Variants in SMARCA2 observed in about 807,000 individuals in gnomAD.
The protein encoded by SMARCA2 is SWI/SNF-related matrix-associated actin-dependent regulator of chromatin subfamily A member 2.
Under a neutral mutation model 199.8 loss-of-function variants are expected in SMARCA2, and 61 were observed. That is an observed-to-expected ratio of 0.31 (90% CI 0.25 to 0.38). The LOEUF (loss-of-function observed/expected upper bound fraction) is 0.38. SMARCA2 is among the 10% of genes least tolerant of loss of function. The pLI, the probability that SMARCA2 is intolerant of heterozygous loss-of-function variation, is 1.00. For synonymous variants in SMARCA2, 935 were observed against 732.0 expected, an observed-to-expected ratio of 1.28 and a Z score of -4.48; for missense variants, 1,344 against 2,012.2, an observed-to-expected ratio of 0.67 and a Z score of 6.35.
At chr9:2,018,204 G>A (rs1388413866) in intron 1 of SMARCA2, among the ~76,000 whole-genome samples, 1 of 152,254 alleles carries the variant, frequency 6.6e-6, no homozygotes, top group Non-Finnish European at 1.5e-5. Context: ...CTTGGGAATC[G>A]AGGGAGTGGG....
chr9:2,123,589 A>G lies in SMARCA2; in HGVS notation c.3763-130A>G. On this transcript the variant is annotated intron_variant, in intron 26 of 33. Coordinates refer to ENST00000349721, the MANE Select transcript of SMARCA2 (RefSeq NM_003070.5). This position sits in a 1 kb window ranked among gnomAD's most constrained non-coding sequence, Gnocchi z 4.1. ...ATTTAGGGATGAGCTAGAACAAGCC[A>G]ACCAGGATGAGAGAGGTTGAAAGGG... 1 of 789,992 alleles carries G rather than the reference A, an allele frequency of 1.3e-6. No individual in the cohort carries two copies. Among genetic ancestry groups the G allele is most frequent in the East Asian group, 2.7e-5 (1 of 37,666 alleles). 48.9% of individuals were successfully genotyped at this position (789,992 alleles called of 1,614,324 possible). A position where few individuals can be genotyped will look rare whatever the true frequency, so the allele number is the denominator to read the frequency against.
intron 11 of SMARCA2, 62 bp downstream of exon 11, chr9:2,073,404 A>G (rs1033536996): frequency 1.4e-5 from 23 of 1,599,478 alleles, no homozygotes; most frequent in Non-Finnish European, 1.8e-5. Flanking sequence ...GTAATCTTGT[A>G]CGATCTCGAA....
intron 14 of SMARCA2, among the ~76,000 whole-genome samples, chr9:2,081,240 G>A (rs777646236): frequency 5.3e-5 from 8 of 152,160 alleles, no homozygotes; most frequent in Non-Finnish European, 7.4e-5. Context: ...TCAGAAATAC[G>A]TTGAGCATGT....
intron 2 of SMARCA2, among the ~76,000 whole-genome samples, chr9:2,030,752 A>C (rs1321395795): frequency 6.6e-6 from 1 of 152,146 alleles, no homozygotes; most frequent in Non-Finnish European, 1.5e-5. Context: ...ATGAACCATT[A>C]CAGTAGACAA....
At chr9:2,083,560 C>G (rs887662936) in intron 16 of SMARCA2, 147 bp downstream of exon 16, 28 of 533,168 alleles carry the variant, frequency 5.3e-5, no homozygotes, top group Non-Finnish European at 4.0e-5. Context: ...TTAATCATCC[C>G]AAGAAGATTA....
chr9:2,055,015 A>G (rs897169014), intron 6 of SMARCA2, among the ~76,000 whole-genome samples: 3 of 152,230 alleles, frequency 2.0e-5, no homozygotes, highest in African/African-American at 4.8e-5. Flanking sequence ...AAACCTTGGG[A>G]ACAAGTGGGG....
chr9:2,153,387 G>T (rs770867073), intron 27 of SMARCA2, among the ~76,000 whole-genome samples: 23 of 152,030 alleles, frequency 1.5e-4, no homozygotes, highest in Non-Finnish European at 3.1e-4. Context: ...AAAGAAAATC[G>T]CCAGGCATGG....
chr9:2,078,898 T>G (rs929529190), intron 14 of SMARCA2, among the ~76,000 whole-genome samples: 1 of 151,978 alleles, frequency 6.6e-6, no homozygotes, highest in African/African-American at 2.4e-5. Context: ...TGAGCCGAGA[T>G]AGCACCACTG....
intron 32 of SMARCA2, among the ~76,000 whole-genome samples, chr9:2,188,703 T>C (rs149621481): frequency 3.7e-4 from 56 of 152,318 alleles, no homozygotes; most frequent in African/African-American, 1.3e-3. Context: ...CACAAACTTA[T>C]TACCTCTTGT....
intron 27 of SMARCA2, chr9:2,160,652 A>C: frequency 1.4e-6 from 1 of 699,720 alleles, no homozygotes; most frequent in African/African-American, 1.7e-5. Flanking sequence ...TCTTTCAGCT[A>C]CGAGAAAGGA....
At chr9:2,159,015 C>T (rs778042491) in intron 27 of SMARCA2, 2 of 1,608,834 alleles carry the variant, frequency 1.2e-6, no homozygotes, top group South Asian at 1.1e-5. Flanking sequence ...ATTCCAAAAC[C>T]TAAATTTAAT....
chr9:2,080,352 A>G (rs962414524), intron 14 of SMARCA2, among the ~76,000 whole-genome samples: 19 of 152,162 alleles, frequency 1.2e-4, no homozygotes, highest in African/African-American at 4.6e-4. Context: ...ATTTTTGTGA[A>G]TTTCTAGTCT....
intron 32 of SMARCA2, among the ~76,000 whole-genome samples, chr9:2,188,036 C>G (rs1563844093): frequency 2.6e-5 from 4 of 152,048 alleles, no homozygotes; most frequent in Non-Finnish European, 5.9e-5. Flanking sequence ...TTTACCTTTT[C>G]AAATATATTA....
chr9:2,163,323 G>C (rs1272923597), intron 28 of SMARCA2, among the ~76,000 whole-genome samples: 1 of 152,136 alleles, frequency 6.6e-6, no homozygotes, highest in Non-Finnish European at 1.5e-5. Context: ...TTCTGAAGTG[G>C]CCAGAATGGC....
At chr9:2,055,654 A>G (rs1008526307) in intron 6 of SMARCA2, 4 of 152,220 alleles carry the variant, frequency 2.6e-5, no homozygotes, top group Non-Finnish European at 5.9e-5. Context: ...CTTACCGGCT[A>G]TAATCTCACA....
intron 9 of SMARCA2, among the ~76,000 whole-genome samples, chr9:2,062,187 A>C (rs943463172): frequency 6.6e-6 from 1 of 152,250 alleles, no homozygotes; most frequent in Non-Finnish European, 1.5e-5. Flanking sequence ...TAAAGGTGGT[A>C]CATTTTATAT....
chr9:2,180,976 G>A (rs1826980421), intron 29 of SMARCA2, among the ~76,000 whole-genome samples: 1 of 152,044 alleles, frequency 6.6e-6, no homozygotes, highest in Admixed American at 6.6e-5. Context: ...GGGTTCCTCT[G>A]GCAAGTAATA....
rs574749096 is a variant in SMARCA2 at position 2,068,745 on chromosome 9, A to G, written c.1693-1673A>G. On this transcript the variant is annotated intron_variant, in intron 9 of 33. Coordinates refer to ENST00000349721, the MANE Select transcript of SMARCA2 (RefSeq NM_003070.5). ...AAGTTTTTTTTTTTTCTCTCATTAT[A>G]CTATGCAGAAATAGTATAGCTTTCC... Among the ~76,000 whole-genome samples, 5 of 151,938 alleles carry G rather than the reference A, an allele frequency of 3.3e-5. No homozygotes were observed. In the East Asian group the frequency reaches 5.8e-4, roughly 18 times the overall value.
chr9:2,104,037 C>G lies in SMARCA2; in HGVS notation c.3160C>G (p.Leu1054Val). Residue 1054 changes from leucine (L) to valine (V), a missense_variant, in exon 23 of 34, where the codon CTG becomes GTG. Physicochemically the swap from Leu to Val is conservative, Grantham distance 32. This residue lies in a region of SMARCA2 where 98 missense variants were observed against 245.6 expected (regional missense o/e 0.40). Transcript: ENST00000349721. The surrounding 1 kb of genome is among the most constrained non-coding windows in gnomAD (Gnocchi z 4.0). The part of the protein sequence containing the change: ...ELYRASGKFE[L>V]LDRILPKLRA... ...GTATCGGGCCTCAGGGAAGTTTGAG[C>G]TGCTTGATCGTATTCTGCCAAAATT... 1 of 1,614,058 alleles carries G rather than the reference C, an allele frequency of 6.2e-7. No individual in the cohort carries two copies. Among genetic ancestry groups the G allele is most frequent in the Non-Finnish European group, 8.5e-7 (1 of 1,179,970 alleles).
Sources: allele counts gnomAD v4.1 joint callset (sites outside exome capture counted in the v4.1 genomes callset), GRCh38; gene constraint gnomAD v4.1.1; regional missense constraint gnomAD v4.1.1; non-coding constraint Gnocchi (gnomAD v3.1); transcripts MANE v1.5; gene names NCBI Gene and HGNC (gene_info 2026-07-23, HGNC 2026-07-21).